Variants in CWC15 observed in about 807,000 individuals in gnomAD.
CWC15 encodes the protein CWC15 spliceosome associated protein, also known as spliceosome-associated protein CWC15 homolog.
In CWC15, 12 loss-of-function variants were observed where a neutral mutation model predicts 28.4. The observed-to-expected ratio is 0.42, with a 90% CI of 0.27 to 0.69. The LOEUF is 0.69. CWC15 is among the 30% of genes least tolerant of loss of function. The probability of loss-of-function intolerance (pLI) is 0.23; values close to 1 mark genes in which losing one functional copy is unlikely to be tolerated. For synonymous variants in CWC15, 92 were observed against 88.4 expected, an observed-to-expected ratio of 1.04 and a Z score of -0.23; for missense variants, 192 against 271.5, an observed-to-expected ratio of 0.71 and a Z score of 2.06.
Position 94,965,946 on chromosome 11 carries a change from G to A in CWC15, c.560+349C>T, listed in dbSNP as rs987082392. 3.5e-4 allele frequency among the ~76,000 whole-genome samples: 53 copies of A among 152,252 alleles called. 1 individual carries two copies. The highest frequency in any genetic ancestry group is 6.8e-3 in the Middle Eastern group (2 of 294). On this transcript the variant is annotated intron_variant, in intron 6 of 6. Transcript: ENST00000279839. ...GTTCTTCTAGTGAGTGTCTGAATGT[G>A]AGAGGCCATCTTGAGGACCCTTGAT...
At chr11:94,964,052 CAT>C (rs1857606700) in intron 6 of CWC15, among the ~76,000 whole-genome samples, 1 of 151,712 alleles carries the variant, frequency 6.6e-6, no homozygotes, top group Non-Finnish European at 1.5e-5. Flanking sequence ...CCCACATATA[CAT>C]TAACCAAGGA....
Position 94,962,682 on chromosome 11 carries a change from G to C in CWC15, c.*703C>G, listed in dbSNP as rs986333981. On this transcript the variant is annotated 3_prime_UTR_variant, in exon 7 of 7. Coordinates refer to ENST00000279839, the MANE Select transcript of CWC15 (RefSeq NM_016403.4). ...AGCTTTCTCAGGCTTTGCACTAAATGCATGTCAGGTGCATATTCAATCTCT... is the reference window on the plus strand; with the variant it reads ...AGCTTTCTCAGGCTTTGCACTAAATCCATGTCAGGTGCATATTCAATCTCT... 3 of 152,204 alleles carry C rather than the reference G, an allele frequency of 2.0e-5. No individual in the cohort carries two copies. The highest frequency in any genetic ancestry group is 2.9e-5 in the Non-Finnish European group (2 of 68,044). The allele number at this position is 152,204 out of a possible 1,614,324, so 9.4% of individuals were successfully genotyped here.
chr11:94,968,922 G>C (rs1857681721), intron 5 of CWC15, among the ~76,000 whole-genome samples: 1 of 152,220 alleles, frequency 6.6e-6, no homozygotes, highest in African/African-American at 2.4e-5. Context: ...TGCTGCTCTG[G>C]TTGAAAACAG....
intron 4 of CWC15, 25 bp from the exon 5 acceptor site, chr11:94,970,121 A>T (rs1555095950): frequency 6.5e-6 from 8 of 1,239,854 alleles, no homozygotes; most frequent in Non-Finnish European, 9.1e-6. Context: ...AGAGCCCAGA[A>T]GATTGGAGGG....
At chr11:94,963,874 T>C (rs1857601794) in intron 6 of CWC15, among the ~76,000 whole-genome samples, 1 of 152,236 alleles carries the variant, frequency 6.6e-6, no homozygotes, top group African/African-American at 2.4e-5. Context: ...TAGGCATCTG[T>C]ACATGATAGT....
At chr11:94,966,966 T>C (rs1399417177) in intron 5 of CWC15, among the ~76,000 whole-genome samples, 1 of 152,128 alleles carries the variant, frequency 6.6e-6, no homozygotes, top group Non-Finnish European at 1.5e-5. Flanking sequence ...AACTACCATA[T>C]ACAAAATTAT....
At chr11:94,967,119 C>A (rs1313891677) in intron 5 of CWC15, among the ~76,000 whole-genome samples, 1 of 149,236 alleles carries the variant, frequency 6.7e-6, no homozygotes, top group East Asian at 2.0e-4. Flanking sequence ...GATCTCAGCT[C>A]ACTGCAACCT....
intron 5 of CWC15, among the ~76,000 whole-genome samples, chr11:94,969,251 T>C (rs189563212): frequency 6.6e-6 from 1 of 152,338 alleles, no homozygotes; most frequent in East Asian, 1.9e-4. Context: ...AGTCTCTTAA[T>C]TGGGAGGATT....
intron 5 of CWC15, among the ~76,000 whole-genome samples, chr11:94,969,251 T>A (rs189563212): frequency 6.6e-6 from 1 of 152,220 alleles, no homozygotes; most frequent in Non-Finnish European, 1.5e-5. Flanking sequence ...AGTCTCTTAA[T>A]TGGGAGGATT....
chr11:94,972,316 T>G (rs1857733371), intron 1 of CWC15, 123 bp from the exon 2 acceptor site: 1 of 948,478 alleles, frequency 1.1e-6, no homozygotes, highest in Admixed American at 3.0e-5. Context: ...CTGCTTAATC[T>G]TCTTAAACAA....
At chr11:94,971,275 G>T in intron 3 of CWC15, 100 bp downstream of exon 3, 2 of 1,072,246 alleles carry the variant, frequency 1.9e-6, no homozygotes, top group Non-Finnish European at 2.8e-6. Flanking sequence ...ACATCAATCT[G>T]TAAAAGTAAA....
chr11:94,967,072 G>A (rs1857656657), intron 5 of CWC15, among the ~76,000 whole-genome samples: 2 of 148,220 alleles, frequency 1.3e-5, no homozygotes, highest in Admixed American at 6.8e-5. Flanking sequence ...TTTTGAGACG[G>A]AGTCTCACTG....
Position 94,971,407 on chromosome 11 carries a change from G to C in CWC15, c.212C>G (p.Ala71Gly), listed in dbSNP as rs1311050717. Residue 71 changes from alanine to glycine, a missense_variant, in exon 3 of 7, where the codon GCA becomes GGA. By Grantham distance (60) the Ala-to-Gly change is moderately conservative. This residue lies in a region of CWC15 where 188 missense variants were observed against 250.3 expected (regional missense o/e 0.75). Transcript: ENST00000279839. Reference protein sequence around the residue: ...RELEERERAAAREKNRDRPTR... With the variant: ...RELEERERAAGREKNRDRPTR... ...TGGACGATCCCTATTTTTCTCTCTTGCAGCAGCTCTCTCTCTTTCTTCCAA... is the reference window on the plus strand; with the variant it reads ...TGGACGATCCCTATTTTTCTCTCTTCCAGCAGCTCTCTCTCTTTCTTCCAA... 1.2e-6 allele frequency: 2 copies of C among 1,612,728 alleles called. No homozygotes were observed.
chr11:94,971,459 C>T lies in CWC15; in HGVS notation c.160G>A (p.Val54Ile). 6.2e-7 allele frequency: 1 copy of T among 1,611,378 alleles called. No homozygotes were observed. The highest frequency in any genetic ancestry group is 1.1e-5 in the South Asian group (1 of 90,374). ...TCTCTCCTGAAGTCACGGTTACGAA[C>T]CTCTTCAGGGGCATCCTGAGTAGTC... is the stretch of plus-strand genomic sequence containing the variant. ...RQTTQDAPEEVRNRDFRRELE... is the reference protein window; with the variant it reads ...RQTTQDAPEEIRNRDFRRELE... The change falls in exon 3 of 7, where the codon GTT becomes ATT. Residue 54 changes from valine (V) to isoleucine (I), a missense_variant. By Grantham distance (29) the Val-to-Ile change is conservative. Coordinates refer to ENST00000279839, the MANE Select transcript of CWC15 (RefSeq NM_016403.4).
At position 94,971,010 on chromosome 11, in the gene CWC15, G is replaced by A. The variant is rs370573746; in HGVS notation, c.300C>T (p.Ala100=). Residue 100 remains alanine, a synonymous_variant, in exon 4 of 7, where the codon GCC becomes GCT. Coordinates refer to ENST00000279839, the MANE Select transcript of CWC15 (RefSeq NM_016403.4). The stretch of plus-strand genomic sequence containing the variant: ...GAGGGTCATCTGCATCAAGGTTGGC[G>A]GCAGGAATCTGGTCTAACCGTGGCT... ...SKKPRLDQIP[A]ANLDADDPLT... 20 of 1,613,660 alleles carry A rather than the reference G, an allele frequency of 1.2e-5. No homozygotes were observed. Among genetic ancestry groups the A allele is most frequent in the South Asian group, 4.4e-5 (4 of 91,082 alleles).
chr11:94,967,532 CTG>C (rs1177993147), intron 5 of CWC15, among the ~76,000 whole-genome samples: 1 of 152,136 alleles, frequency 6.6e-6, no homozygotes, highest in Non-Finnish European at 1.5e-5. Context: ...TCCCATTTTG[CTG>C]TGTTTTGGGG....
chr11:94,969,933 T>G (rs1307892185), intron 5 of CWC15, 56 bp downstream of exon 5: 3 of 1,144,634 alleles, frequency 2.6e-6, no homozygotes, highest in African/African-American at 3.2e-5. Flanking sequence ...TCAAAAAAAT[T>G]TCTACCTTAG....
Position 94,970,088 on chromosome 11 carries a change from A to G in CWC15, c.342T>C (p.Asp114=). The change falls in exon 5 of 7, where the codon GAT becomes GAC. Residue 114 remains aspartate (D), a synonymous_variant. Transcript: ENST00000279839. The part of the protein sequence containing the change: ...DADDPLTDEE[D]EDFEEESDDD... The stretch of plus-strand genomic sequence containing the variant: ...CATCACTTTCTTCTTCAAAATCTTC[A>G]TCTTCCTCCTAAAAGAACAGTGAGA... 6.7e-7 allele frequency: 1 copy of G among 1,498,044 alleles called. No individual in the cohort carries two copies. 92.8% of individuals were successfully genotyped at this position (1,498,044 alleles called of 1,614,324 possible). A position where few individuals can be genotyped will look rare whatever the true frequency, so the allele number is the denominator to read the frequency against.
chr11:94,963,520 G>GA lies in CWC15; in HGVS notation c.561-7dup, dbSNP rs782642670. 43 of 1,551,702 alleles carry GA rather than the reference G, an allele frequency of 2.8e-5. No homozygotes were observed. The highest frequency in any genetic ancestry group is 1.6e-4 in the Admixed American group (8 of 49,038). On this transcript the variant is annotated splice_polypyrimidine_tract_variant and splice_region_variant and intron_variant, in intron 6 of 6. Coordinates refer to ENST00000279839, the MANE Select transcript of CWC15 (RefSeq NM_016403.4). Reference sequence around the variant, plus strand: ...AGACAACGTCATCATCCCACCTGAGGAAAAAAAAGCAAACAGAACGTCTGA... The same window carrying GA: ...AGACAACGTCATCATCCCACCTGAGGAAAAAAAAAGCAAACAGAACGTCTGA...
Sources: allele counts gnomAD v4.1 joint callset (sites outside exome capture counted in the v4.1 genomes callset), GRCh38; gene constraint gnomAD v4.1.1; regional missense constraint gnomAD v4.1.1; transcripts MANE v1.5; gene names NCBI Gene and HGNC (gene_info 2026-07-23, HGNC 2026-07-21).